Variants in SNX29 observed in about 807,000 individuals in gnomAD.
The protein encoded by SNX29 is sorting nexin 29, also known as sorting nexin-29.
In SNX29, 78 loss-of-function variants were observed where a neutral mutation model predicts 102.1. The ratio of observed to expected loss-of-function variants is 0.76; its 90% CI spans 0.64 to 0.92. The LOEUF (loss-of-function observed/expected upper bound fraction) is 0.92, where lower values mean the gene tolerates loss of function less well. Among genes scored for constraint, SNX29 ranks in the 40% least tolerant of loss-of-function variants. The pLI, the probability that SNX29 is intolerant of heterozygous loss-of-function variation, is 0.00. For missense variants in SNX29, 1,280 were observed against 1,061.7 expected (o/e 1.21, Z -2.86); for synonymous variants, 580 against 414.5 (o/e 1.40, Z -4.85).
intron 14 of SNX29, among the ~76,000 whole-genome samples, chr16:12,216,522 C>A (rs1402274005): frequency 2.6e-5 from 4 of 152,192 alleles, no homozygotes; most frequent in Non-Finnish European, 4.4e-5. Flanking sequence ...GATGGGCATG[C>A]AAGCTGACCA....
At chr16:12,385,625 C>G (rs1175491931) in intron 16 of SNX29, among the ~76,000 whole-genome samples, 2 of 152,196 alleles carry the variant, frequency 1.3e-5, no homozygotes, top group Admixed American at 6.5e-5. Flanking sequence ...ACCTCCCACC[C>G]TGTGTGCATC....
chr16:12,369,697 A>G (rs925230654), intron 16 of SNX29, among the ~76,000 whole-genome samples: 3 of 152,156 alleles, frequency 2.0e-5, no homozygotes. Context: ...TAATTTGTTC[A>G]ATTTCTGCTA....
intron 20 of SNX29, among the ~76,000 whole-genome samples, chr16:12,565,368 G>T (rs1380858186): frequency 2.0e-5 from 3 of 152,138 alleles, no homozygotes; most frequent in Non-Finnish European, 4.4e-5. Flanking sequence ...GAAGCCCCTG[G>T]TCTAGCCAGA....
chr16:12,192,492 C>A (rs2076667705), intron 13 of SNX29, among the ~76,000 whole-genome samples: 1 of 152,078 alleles, frequency 6.6e-6, no homozygotes, highest in Non-Finnish European at 1.5e-5. Flanking sequence ...GTCTGCATTC[C>A]CTTGCTTGAC....
chr16:12,093,196 T>C (rs2052630697), intron 11 of SNX29, among the ~76,000 whole-genome samples: 1 of 152,240 alleles, frequency 6.6e-6, no homozygotes, highest in Non-Finnish European at 1.5e-5. Context: ...TGTAAATCCT[T>C]TCTGCACTTT....
intron 13 of SNX29, among the ~76,000 whole-genome samples, chr16:12,161,284 C>T (rs1229194804): frequency 6.6e-6 from 1 of 152,224 alleles, no homozygotes; most frequent in Non-Finnish European, 1.5e-5. Context: ...TCCCTTTCCA[C>T]TCTCTTCTTT....
chr16:12,460,034 G>A (rs1304434150), intron 18 of SNX29, among the ~76,000 whole-genome samples: 1 of 152,202 alleles, frequency 6.6e-6, no homozygotes, highest in Non-Finnish European at 1.5e-5. Context: ...TGCAGCCAGA[G>A]AAGCTCCTGA....
At chr16:12,534,761 C>G (rs1435429136) in intron 20 of SNX29, among the ~76,000 whole-genome samples, 1 of 152,190 alleles carries the variant, frequency 6.6e-6, no homozygotes, top group Non-Finnish European at 1.5e-5. Context: ...GGCTTTCTTT[C>G]TGCGTCTACC....
intron 20 of SNX29, among the ~76,000 whole-genome samples, chr16:12,543,120 C>G (rs550316553): frequency 2.0e-5 from 3 of 152,168 alleles, no homozygotes; most frequent in African/African-American, 4.8e-5. Context: ...AGCTGCGTAT[C>G]TTATAGATGG....
intron 19 of SNX29, among the ~76,000 whole-genome samples, chr16:12,501,307 G>A (rs756146946): frequency 1.3e-5 from 2 of 152,138 alleles, no homozygotes; most frequent in African/African-American, 2.4e-5. Context: ...AGAAGGCTGA[G>A]GCAGAAGGAT....
intron 4 of SNX29, among the ~76,000 whole-genome samples, chr16:12,033,837 C>G (rs1276401342): frequency 6.6e-6 from 1 of 152,134 alleles, no homozygotes; most frequent in Non-Finnish European, 1.5e-5. Context: ...GAACTACTGA[C>G]TTCAGGTGAT....
chr16:12,367,302 A>G (rs2082520940), intron 16 of SNX29: 2 of 152,254 alleles, frequency 1.3e-5, no homozygotes, highest in Admixed American at 6.5e-5. Context: ...CATATGACGT[A>G]TACATCTGAG....
chr16:12,118,480 C>T (rs569105688), intron 11 of SNX29, among the ~76,000 whole-genome samples: 7 of 151,578 alleles, frequency 4.6e-5, no homozygotes, highest in South Asian at 2.1e-4. Context: ...CCACCATGCC[C>T]GGCTGATTTT....
chr16:12,139,510 T>A (rs1238597324), intron 13 of SNX29, among the ~76,000 whole-genome samples: 1 of 152,232 alleles, frequency 6.6e-6, no homozygotes, highest in Non-Finnish European at 1.5e-5. Context: ...TGAGTGTCAC[T>A]GAGAAATGTC....
intron 2 of SNX29, among the ~76,000 whole-genome samples, chr16:12,002,419 C>G (rs1402856311): frequency 1.3e-5 from 2 of 149,510 alleles, no homozygotes; most frequent in African/African-American, 5.0e-5. Context: ...ACACTCCAGC[C>G]TGGGCAACAA....
At chr16:12,379,878 G>A (rs182322000) in intron 16 of SNX29, among the ~76,000 whole-genome samples, 1 of 152,160 alleles carries the variant, frequency 6.6e-6, no homozygotes, top group Admixed American at 6.5e-5. Context: ...GCTGATGGGA[G>A]GCACTGGTGT....
intron 15 of SNX29, among the ~76,000 whole-genome samples, chr16:12,320,976 A>G (rs942478560): frequency 6.6e-6 from 1 of 152,214 alleles, no homozygotes; most frequent in African/African-American, 2.4e-5. Flanking sequence ...TTATCTGTCC[A>G]TAGAGCAAAT....
At chr16:12,565,938 C>T (rs569994874) in intron 20 of SNX29, among the ~76,000 whole-genome samples, 1 of 152,304 alleles carries the variant, frequency 6.6e-6, no homozygotes, top group Admixed American at 6.5e-5. Context: ...TGTCCAGTGT[C>T]TGCCCTCCCC....
chr16:12,303,363 G>A (rs943004788), intron 15 of SNX29, among the ~76,000 whole-genome samples: 7 of 152,198 alleles, frequency 4.6e-5, no homozygotes, highest in African/African-American at 1.2e-4. Flanking sequence ...TAAGAGAGTC[G>A]ATTTTTAAAA....
Sources: gnomAD v4.1 joint callset for allele counts (sites outside exome capture counted in the v4.1 genomes callset) on GRCh38, gnomAD v4.1.1 for gene constraint, MANE v1.5 for transcripts, NCBI Gene and HGNC (gene_info 2026-07-23, HGNC 2026-07-21) for gene names.